Variants in GRIK4 observed in about 807,000 individuals in gnomAD.
GRIK4 encodes glutamate receptor ionotropic, kainate 4.
GRIK4 carries 40 observed loss-of-function variants against 104.9 expected under a neutral mutation model. The observed-to-expected ratio is 0.38, with a 90% CI of 0.30 to 0.50. GRIK4 has a LOEUF of 0.50. Among genes scored for constraint, GRIK4 ranks in the 20% least tolerant of loss-of-function variants. GRIK4 has a pLI of 0.93. For missense variants in GRIK4, 1,047 were observed against 1,308.1 expected, an observed-to-expected ratio of 0.80 and a Z score of 3.08; for synonymous variants, 485 against 524.9, an observed-to-expected ratio of 0.92 and a Z score of 1.04.
At chr11:120,615,384 A>G (rs1432685351) in intron 1 of GRIK4, among the ~76,000 whole-genome samples, 3 of 152,234 alleles carry the variant, frequency 2.0e-5, no homozygotes, top group African/African-American at 2.4e-5. Context: ...ATAAGATTCA[A>G]TCCAACTAAA....
At position 120,819,939 on chromosome 11, in the gene GRIK4, G is replaced by T. The variant is rs1171078201; in HGVS notation, c.511+19G>T. On this transcript the variant is annotated intron_variant, in intron 6 of 20. Coordinates refer to ENST00000527524, the MANE Select transcript of GRIK4 (RefSeq NM_014619.5). This position sits in a 1 kb window ranked among gnomAD's most constrained non-coding sequence, Gnocchi z 4.3. The stretch of plus-strand genomic sequence containing the variant: ...GCAGAATGTAAGTTTCCCCAGGCTG[G>T]CTCTGCCCCAGACAGTCCAGTCTTG... 1.9e-6 allele frequency: 3 copies of T among 1,612,114 alleles called. No homozygotes were observed. In the Admixed American group the frequency reaches 5.0e-5, roughly 27 times the overall value.
intron 3 of GRIK4, among the ~76,000 whole-genome samples, chr11:120,761,000 C>A (rs1175979961): frequency 2.0e-5 from 3 of 152,116 alleles, no homozygotes; most frequent in Non-Finnish European, 4.4e-5. Flanking sequence ...ATTTCTAGCT[C>A]TAGATCCTTG....
chr11:120,651,422 G>A (rs1332047661), intron 1 of GRIK4, among the ~76,000 whole-genome samples: 1 of 152,196 alleles, frequency 6.6e-6, no homozygotes, highest in Non-Finnish European at 1.5e-5. Flanking sequence ...ATTGTTTAGA[G>A]GTGCATTAGG....
chr11:120,916,407 A>G (rs565515248), intron 13 of GRIK4, among the ~76,000 whole-genome samples: 2 of 152,238 alleles, frequency 1.3e-5, no homozygotes, highest in South Asian at 4.1e-4. Context: ...TGACTTCTGA[A>G]TCGGGACAAC....
At chr11:120,793,544 G>A (rs1952443725) in intron 3 of GRIK4, among the ~76,000 whole-genome samples, 1 of 152,180 alleles carries the variant, frequency 6.6e-6, no homozygotes, top group South Asian at 2.1e-4. Context: ...ACTGAGAGTG[G>A]CCTCAGTTTA....
In GRIK4 at chr11:120,621,373, C is replaced by A. The variant is rs149110673; in HGVS notation, c.-158-32312C>A. ...AGCTGTCAGGGAGAAATATCTAAAT[C>A]ATTTGAACAGGTAATAATAGGATAG... On this transcript the variant is annotated intron_variant, in intron 1 of 20. Coordinates refer to ENST00000527524, the MANE Select transcript of GRIK4 (RefSeq NM_014619.5). Among the ~76,000 whole-genome samples the A allele has an allele frequency of 1.1e-4, 16 of 152,330 alleles. No homozygotes were observed. The East Asian group carries it at 3.1e-3, about 29-fold the overall frequency.
rs372219318 is a variant in GRIK4 at position 120,902,356 on chromosome 11, A to G, written c.1273-2934A>G. ...TCCAAGGTGCCAGTGAGCCCTAACC[A>G]TCCCCATCCTTGGGCTTTCCAACGC... On this transcript the variant is annotated intron_variant, in intron 12 of 20. Coordinates refer to ENST00000527524, the MANE Select transcript of GRIK4 (RefSeq NM_014619.5). This position sits in a 1 kb window ranked among gnomAD's most constrained non-coding sequence, Gnocchi z 4.5. 1.3e-5 allele frequency among the ~76,000 whole-genome samples: 2 copies of G among 152,112 alleles called. No individual in the cohort carries two copies. Among genetic ancestry groups the G allele is most frequent in the East Asian group, 3.9e-4 (2 of 5,184 alleles).
chr11:120,679,172 C>G (rs935696884), intron 3 of GRIK4, among the ~76,000 whole-genome samples: 10 of 152,228 alleles, frequency 6.6e-5, no homozygotes, highest in African/African-American at 2.4e-4. Flanking sequence ...ATCCTACCAC[C>G]ACCTCCATTT....
chr11:120,916,552 A>G (rs1269817682), intron 13 of GRIK4, among the ~76,000 whole-genome samples: 1 of 152,188 alleles, frequency 6.6e-6, no homozygotes, highest in Non-Finnish European at 1.5e-5. Context: ...TAATACTAGG[A>G]ATCTCTAGTC....
At chr11:120,854,511 G>A (rs1028729368) in intron 8 of GRIK4, among the ~76,000 whole-genome samples, 1 of 152,194 alleles carries the variant, frequency 6.6e-6, no homozygotes, top group Admixed American at 6.5e-5. Flanking sequence ...AGCTGTTAAG[G>A]TTCTTGGACT....
At chr11:120,686,831 C>G (rs1489923327) in intron 3 of GRIK4, among the ~76,000 whole-genome samples, 1 of 152,180 alleles carries the variant, frequency 6.6e-6, no homozygotes, top group Non-Finnish European at 1.5e-5. Flanking sequence ...GGCAGAGCAG[C>G]GGAAAAAGCT....
intron 13 of GRIK4, among the ~76,000 whole-genome samples, chr11:120,917,788 A>G (rs1448040624): frequency 1.3e-5 from 2 of 152,174 alleles, no homozygotes; most frequent in South Asian, 2.1e-4. Context: ...TTCAAACCCC[A>G]TTGGGCATCT....
intron 3 of GRIK4, among the ~76,000 whole-genome samples, chr11:120,801,313 C>T (rs1952617433): frequency 6.6e-6 from 1 of 152,226 alleles, no homozygotes; most frequent in Non-Finnish European, 1.5e-5. Context: ...GCAACCTCCA[C>T]TTCCCGGGTT....
At chr11:120,706,155 G>A (rs1344601233) in intron 3 of GRIK4, among the ~76,000 whole-genome samples, 1 of 152,188 alleles carries the variant, frequency 6.6e-6, no homozygotes, top group African/African-American at 2.4e-5. Flanking sequence ...CCTATTTGCA[G>A]GAGTTTGATG....
chr11:120,635,460 C>T (rs1192946554), intron 1 of GRIK4, among the ~76,000 whole-genome samples: 1 of 152,240 alleles, frequency 6.6e-6, no homozygotes, highest in Non-Finnish European at 1.5e-5. Flanking sequence ...CCCAGCCCCA[C>T]CCCATAGCTC....
chr11:120,804,611 T>A (rs1221109226), intron 4 of GRIK4, among the ~76,000 whole-genome samples: 10 of 152,240 alleles, frequency 6.6e-5, no homozygotes, highest in Admixed American at 6.5e-4. Context: ...TTATTGAGCA[T>A]TGACTCTATC....
At chr11:120,587,009 G>T (rs1948674146) in intron 1 of GRIK4, among the ~76,000 whole-genome samples, 1 of 152,224 alleles carries the variant, frequency 6.6e-6, no homozygotes, top group African/African-American at 2.4e-5. Flanking sequence ...AAATTGCTTT[G>T]TAATAACAGT....
rs115645439 is a variant in GRIK4, at chr11:120,573,379, G to A, written c.-159+61492G>A. ...CTGGGCCATGATGAAAAAGACCTTG[G>A]CACGTGGCTGTTGAGGGGAAGCTGT... On this transcript the variant is annotated intron_variant, in intron 1 of 20. Coordinates refer to ENST00000527524, the MANE Select transcript of GRIK4 (RefSeq NM_014619.5). Among the ~76,000 whole-genome samples the A allele has an allele frequency of 3.0e-3, 462 of 152,240 alleles. 3 individuals carry two copies. Among genetic ancestry groups the A allele is most frequent in the African/African-American group, 0.011 (446 of 41,550 alleles).
rs183024289 is a variant in GRIK4, at chr11:120,974,192, G to A, written c.2395+6869G>A. Among the ~76,000 whole-genome samples, 675 of 152,346 alleles carry A rather than the reference G, an allele frequency of 4.4e-3. 2 individuals are homozygous for A. The highest frequency in any genetic ancestry group is 0.016 in the African/African-American group (645 of 41,574). Reference sequence around the variant, plus strand: ...CAAAGTGCCGGGATTACAGGCGTGAGCCACCACACCCGGGCTTTAAGTCTT... The same window carrying A: ...CAAAGTGCCGGGATTACAGGCGTGAACCACCACACCCGGGCTTTAAGTCTT... On this transcript the variant is annotated intron_variant, in intron 19 of 20. Coordinates refer to ENST00000527524, the MANE Select transcript of GRIK4 (RefSeq NM_014619.5).
Sources: allele counts gnomAD v4.1 joint callset (sites outside exome capture counted in the v4.1 genomes callset), GRCh38; gene constraint gnomAD v4.1.1; non-coding constraint Gnocchi (gnomAD v3.1); transcripts MANE v1.5; gene names NCBI Gene and HGNC (gene_info 2026-07-23, HGNC 2026-07-21).